The following CATSPERD variants were observed in gnomAD, a reference collection of about 807,000 sequenced individuals.
CATSPERD encodes the protein cation channel sperm-associated auxiliary subunit delta.
In CATSPERD, 86 loss-of-function variants were observed where a neutral mutation model predicts 98.1. The observed-to-expected ratio is 0.88, with a 90% confidence interval of 0.74 to 1.05. The LOEUF is 1.05. CATSPERD is among the 50% of genes least tolerant of loss of function. The pLI is 0.00. For synonymous variants in CATSPERD, 394 were observed against 390.2 expected (o/e 1.01, Z -0.12); for missense variants, 995 against 1,005.7 (o/e 0.99, Z 0.14).
intron 4 of CATSPERD, among the ~76,000 whole-genome samples, chr19:5,733,307 T>TTTTCTTTTTCTTTCTTTCTTTCTTTC (rs2055765653): frequency 6.8e-6 from 1 of 146,858 alleles, no homozygotes; most frequent in African/African-American, 2.6e-5. Context: ...TTCTTTTTCT[T>TTTTCTTTTTCTTTCTTTCTTTCTTTC]TTTCTTTCTT....
At chr19:5,729,134 C>T (rs374693034) in intron 3 of CATSPERD, among the ~76,000 whole-genome samples, 51 of 151,506 alleles carry the variant, frequency 3.4e-4, no homozygotes, top group African/African-American at 1.0e-3. Context: ...TCACTCTTGT[C>T]GCCCAGGCTG....
At chr19:5,741,284 C>G (rs2055959130) in intron 7 of CATSPERD, among the ~76,000 whole-genome samples, 1 of 152,068 alleles carries the variant, frequency 6.6e-6, no homozygotes, top group South Asian at 2.1e-4. Flanking sequence ...CTCTAACTGT[C>G]TTTGGCATTT....
At chr19:5,755,797 A>T (rs539450871) in intron 13 of CATSPERD, among the ~76,000 whole-genome samples, 1 of 151,468 alleles carries the variant, frequency 6.6e-6, no homozygotes, top group East Asian at 1.9e-4. Flanking sequence ...ATAAATAAAT[A>T]AAAATAAATT....
rs1442996606 is a variant in CATSPERD at position 5,720,638 on chromosome 19, T to G, written c.-100T>G. ...CGCGGAGGCCCGCTCCCGGGACTCA[T>G]TGATGCGCATGCGCAGGGCTTCAGC... is the stretch of plus-strand genomic sequence containing the variant. On this transcript the variant is annotated 5_prime_UTR_variant, in exon 1 of 22. Transcript: ENST00000381624. The G allele has an allele frequency of 6.8e-6, 8 of 1,182,578 alleles. No homozygotes were observed. The highest frequency in any genetic ancestry group is 1.5e-5 in the African/African-American group (1 of 66,316). 73.3% of individuals were successfully genotyped at this position (1,182,578 alleles called of 1,614,324 possible). A position where few individuals can be genotyped will look rare whatever the true frequency, so the allele number is the denominator to read the frequency against.
chr19:5,750,318 GGC>G (rs2056184531), intron 11 of CATSPERD, among the ~76,000 whole-genome samples: 9 of 150,488 alleles, frequency 6.0e-5, no homozygotes, highest in South Asian at 2.1e-4. Context: ...CGGGCGTGGT[GGC>G]GGCACCTGTA....
chr19:5,757,696 C>G (rs1207675932), intron 13 of CATSPERD, 147 bp from the exon 14 acceptor site: 1 of 520,946 alleles, frequency 1.9e-6, no homozygotes, highest in Admixed American at 3.8e-5. Flanking sequence ...TCACCTTGGT[C>G]TCCCAAAGTG....
intron 19 of CATSPERD, 23 bp from the exon 20 acceptor site, chr19:5,772,765 C>A: frequency 1.2e-6 from 2 of 1,609,072 alleles, no homozygotes; most frequent in African/African-American, 1.3e-5. Context: ...CCTGCACAGC[C>A]CTGCCCCGTG....
chr19:5,757,814 C>T, intron 13 of CATSPERD, 29 bp from the exon 14 acceptor site: 1 of 1,583,114 alleles, frequency 6.3e-7, no homozygotes, highest in Non-Finnish European at 8.7e-7. Flanking sequence ...TGGCTCCGTA[C>T]AGCCTGAGCT....
At chr19:5,745,183 C>A (rs1450749322) in intron 8 of CATSPERD, among the ~76,000 whole-genome samples, 1 of 151,518 alleles carries the variant, frequency 6.6e-6, no homozygotes, top group African/African-American at 2.4e-5. Context: ...CCTCAAGTAA[C>A]CCCCACCCTC....
intron 20 of CATSPERD, chr19:5,775,260 C>T (rs2056719546): frequency 2.1e-6 from 1 of 471,168 alleles, no homozygotes; most frequent in Admixed American, 2.4e-5. Context: ...AAAGAAGAGG[C>T]ATGGGGAAGA....
intron 4 of CATSPERD, among the ~76,000 whole-genome samples, chr19:5,733,311 C>CTT (rs2055766266): frequency 1.4e-5 from 2 of 138,306 alleles, no homozygotes; most frequent in Admixed American, 1.5e-4. Flanking sequence ...TTTTCTTTTT[C>CTT]TTTCTTTCTT....
chr19:5,738,901 GT>G (rs998043451), intron 6 of CATSPERD, among the ~76,000 whole-genome samples: 1 of 149,904 alleles, frequency 6.7e-6, no homozygotes, highest in Non-Finnish European at 1.5e-5. Context: ...TTTTGTTTTT[GT>G]TTTTTTTAAG....
At chr19:5,731,897 A>T (rs897600572) in intron 4 of CATSPERD, among the ~76,000 whole-genome samples, 2 of 151,778 alleles carry the variant, frequency 1.3e-5, no homozygotes, top group Non-Finnish European at 1.5e-5. Context: ...AATGCTAGTC[A>T]TTCATCATTT....
chr19:5,768,373 G>C, intron 18 of CATSPERD, 131 bp downstream of exon 18: 2 of 503,256 alleles, frequency 4.0e-6, no homozygotes, highest in Non-Finnish European at 5.7e-6. Context: ...AGTCTCGCCT[G>C]TCGCCCAGGC....
At chr19:5,737,226 G>T (rs773105592) in intron 6 of CATSPERD, 21 bp downstream of exon 6, 1 of 1,552,302 alleles carries the variant, frequency 6.4e-7, no homozygotes, top group Non-Finnish European at 8.9e-7. Flanking sequence ...GTGTATAATT[G>T]TTCATTTTTT....
chr19:5,772,212 T>G, intron 19 of CATSPERD: 1 of 323,122 alleles, frequency 3.1e-6, no homozygotes, highest in South Asian at 2.3e-5. Flanking sequence ...AATGCCCGGT[T>G]AATTTTTTTT....
chr19:5,749,076 T>G, intron 10 of CATSPERD, 25 bp from the exon 11 acceptor site: 2 of 1,599,588 alleles, frequency 1.3e-6, no homozygotes, highest in African/African-American at 1.3e-5. Context: ...TCAATTTTTG[T>G]TTTGTCTTGT....
At position 5,766,349 on chromosome 19, in the gene CATSPERD, G is replaced by C. The variant is rs149224925; in HGVS notation, c.1559+194G>C. On this transcript the variant is annotated intron_variant, in intron 17 of 21. Transcript: ENST00000381624. ...ACCTGCAATCTCGGCTACTTGGGAG[G>C]CTGAGGCTGGAGGATCACTTGAACC... Among the ~76,000 whole-genome samples, 550 of 151,566 alleles carry C rather than the reference G, an allele frequency of 3.6e-3. 5 individuals carry two copies. Among genetic ancestry groups the C allele is most frequent in the African/African-American group, 0.013 (518 of 41,302 alleles).
chr19:5,774,859 G>A (rs534701379), intron 20 of CATSPERD, among the ~76,000 whole-genome samples: 87 of 151,996 alleles, frequency 5.7e-4, no homozygotes, highest in African/African-American at 2.1e-3. Flanking sequence ...TCTACTAAAA[G>A]TACAAAAATT....
Sources: allele counts gnomAD v4.1 joint callset (sites outside exome capture counted in the v4.1 genomes callset), GRCh38; gene constraint gnomAD v4.1.1; transcripts MANE v1.5; gene names NCBI Gene and HGNC (gene_info 2026-07-23, HGNC 2026-07-21).